ANKRD28: variants seen among roughly 807,000 people sequenced by gnomAD.
ANKRD28 encodes serine/threonine-protein phosphatase 6 regulatory ankyrin repeat subunit A.
A neutral mutation model predicts 126.5 loss-of-function variants in ANKRD28; 44 were observed. The observed-to-expected ratio is 0.35, with a 90% CI of 0.27 to 0.45. ANKRD28 has a LOEUF of 0.45. ANKRD28 is among the 20% of genes least tolerant of loss of function. The probability of loss-of-function intolerance (pLI) is 1.00; values close to 1 mark genes in which losing one functional copy is unlikely to be tolerated. For synonymous variants in ANKRD28, 442 were observed against 468.5 expected (o/e 0.94, Z 0.73); for missense variants, 1,110 against 1,316.6 (o/e 0.84, Z 2.43).
intron 10 of ANKRD28, 38 bp downstream of exon 10, chr3:15,713,489 T>C: frequency 1.1e-5 from 16 of 1,515,962 alleles, no homozygotes; most frequent in Non-Finnish European, 1.4e-5. Context: ...CCTTTGTGCT[T>C]GCCTGTATCA....
At chr3:15,711,184 AAAG>A (rs766994470) in intron 12 of ANKRD28, 24 bp downstream of exon 12, 1 of 1,581,310 alleles carries the variant, frequency 6.3e-7, no homozygotes, top group Non-Finnish European at 8.6e-7. Flanking sequence ...ATCTTTTCTT[AAAG>A]AAATAAAAAT....
rs1035339237 is a variant in ANKRD28 at position 15,846,540 on chromosome 3, A to G, written c.27+12837T>C. Reference sequence around the variant, plus strand: ...TTACCTACCATATAAACGAGTTAAAAAATACAAACAGTATAAACCAAGGGC... The same window carrying G: ...TTACCTACCATATAAACGAGTTAAAGAATACAAACAGTATAAACCAAGGGC... On this transcript the variant is annotated intron_variant, in intron 1 of 27. Transcript: ENST00000399451. This position sits in a 1 kb window ranked among gnomAD's most constrained non-coding sequence, Gnocchi z 5.4. Among the ~76,000 whole-genome samples, 2 of 152,246 alleles carry G rather than the reference A, an allele frequency of 1.3e-5. No individual in the cohort carries two copies. The highest frequency in any genetic ancestry group is 4.8e-5 in the African/African-American group (2 of 41,462).
At chr3:15,715,135 A>C (rs1322490881) in intron 8 of ANKRD28, among the ~76,000 whole-genome samples, 1 of 152,206 alleles carries the variant, frequency 6.6e-6, no homozygotes, top group Non-Finnish European at 1.5e-5. Context: ...AATAAATCAG[A>C]CTGGCTGCAC....
Position 15,850,190 on chromosome 3 carries a change from T to TTAAAAA in ANKRD28, c.27+9186_27+9187insTTTTTA, listed in dbSNP as rs1393900361. ...GGGACAACTGGGTATCTACATGCAA[T>TTAAAAA]AAAAAAAAAAAAAAATATATATATA... On this transcript the variant is annotated intron_variant, in intron 1 of 27. Coordinates refer to the ANKRD28 transcript ENST00000399451. 1.8e-3 allele frequency among the ~76,000 whole-genome samples: 57 copies of TTAAAAA among 31,942 alleles called. 1 individual carries two copies. Among genetic ancestry groups the TTAAAAA allele is most frequent in the African/African-American group, 5.0e-3 (55 of 11,098 alleles). The allele number at this position is 31,942 out of a possible 152,430, so 21.0% of individuals were successfully genotyped here.
chr3:15,752,596 G>C (rs1191636981), intron 3 of ANKRD28, among the ~76,000 whole-genome samples: 1 of 152,134 alleles, frequency 6.6e-6, no homozygotes, highest in Non-Finnish European at 1.5e-5. Flanking sequence ...ATATATCTAA[G>C]TAGAGAAGAA....
intron 21 of ANKRD28, chr3:15,684,988 A>G: frequency 4.0e-6 from 2 of 506,050 alleles, no homozygotes. Context: ...GAAAAGAAAA[A>G]CCTCAAAAAT....
rs1376780564 is a variant in ANKRD28, at chr3:15,839,087, G to T, written c.27+20290C>A. The stretch of plus-strand genomic sequence containing the variant: ...AAAATAAAACCATTATTCAATGGTG[G>T]CCTGGGGCTGGAGGTGGGACTAGGA... On this transcript the variant is annotated intron_variant, in intron 1 of 27. Transcript: ENST00000399451. This position sits in a 1 kb window ranked among gnomAD's most constrained non-coding sequence, Gnocchi z 4.3. Among the ~76,000 whole-genome samples, 2 of 152,124 alleles carry T rather than the reference G, an allele frequency of 1.3e-5. No individual in the cohort carries two copies. Among genetic ancestry groups the T allele is most frequent in the African/African-American group, 4.8e-5 (2 of 41,422 alleles).
At chr3:15,715,318 T>C (rs1169553410) in intron 8 of ANKRD28, among the ~76,000 whole-genome samples, 1 of 152,208 alleles carries the variant, frequency 6.6e-6, no homozygotes, top group Non-Finnish European at 1.5e-5. Context: ...CTTAGCAGCT[T>C]CCTAATCTCA....
At chr3:15,674,332 A>T (rs1203376426) in intron 27 of ANKRD28, among the ~76,000 whole-genome samples, 1 of 152,172 alleles carries the variant, frequency 6.6e-6, no homozygotes, top group African/African-American at 2.4e-5. Context: ...GTATATGCTG[A>T]TGGACTATAC....
chr3:15,776,564 T>C (rs1305151418), intron 2 of ANKRD28, among the ~76,000 whole-genome samples: 1 of 151,932 alleles, frequency 6.6e-6, no homozygotes, highest in South Asian at 2.1e-4. Context: ...GGCAAAATTA[T>C]AAAGAAAACC....
intron 8 of ANKRD28, among the ~76,000 whole-genome samples, chr3:15,720,613 C>A (rs2455841): frequency 0.72 from 109,637 of 151,942 alleles, 39,750 homozygotes; most frequent in East Asian, 0.93. Context: ...CATCACATAA[C>A]GTCCCTTCAT....
chr3:15,828,342 C>CT (rs1389822321), intron 1 of ANKRD28, among the ~76,000 whole-genome samples: 2 of 152,044 alleles, frequency 1.3e-5, no homozygotes, highest in African/African-American at 4.8e-5. Flanking sequence ...TGGCTCATGC[C>CT]TGTAATCACA....
intron 3 of ANKRD28, among the ~76,000 whole-genome samples, chr3:15,761,189 G>C (rs559840628): frequency 6.6e-6 from 1 of 152,146 alleles, no homozygotes; most frequent in African/African-American, 2.4e-5. Context: ...AATCTTACAC[G>C]ACTTTTATAC....
At chr3:15,848,866 G>C (rs1008310218) in intron 1 of ANKRD28, among the ~76,000 whole-genome samples, 3 of 151,908 alleles carry the variant, frequency 2.0e-5, no homozygotes, top group African/African-American at 7.3e-5. Context: ...TTCTAGTCTG[G>C]GCAAGTAAGC....
In ANKRD28 at chr3:15,797,729, ATAGTTTCCTTCC is replaced by A. The variant is rs2060341717; in HGVS notation, c.-1220_-1209del. ...TTCAGTCATCTGCCTCTTTGCCAAT[ATAGTTTCCTTCC>A]ACTGTGAAAACCGCCACAGTTATCC... On this transcript the variant is annotated 5_prime_UTR_variant, in exon 1 of 28. Transcript: ENST00000683139. 1 of 985,278 alleles carries A rather than the reference ATAGTTTCCTTCC, an allele frequency of 1.0e-6. No homozygotes were observed. The highest frequency in any genetic ancestry group is 6.2e-5 in the Admixed American group (1 of 16,258). 61.0% of individuals were successfully genotyped at this position (985,278 alleles called of 1,614,324 possible).
chr3:15,735,296 A>G, intron 6 of ANKRD28, 114 bp downstream of exon 6: 1 of 823,606 alleles, frequency 1.2e-6, no homozygotes, highest in East Asian at 2.9e-5. Flanking sequence ...AAACTCAGAT[A>G]CTGTGTAGCT....
intron 21 of ANKRD28, among the ~76,000 whole-genome samples, chr3:15,680,417 G>T (rs987190059): frequency 2.6e-5 from 4 of 152,002 alleles, no homozygotes; most frequent in African/African-American, 9.7e-5. Flanking sequence ...ATGTTGGTCA[G>T]GCTGATCTCA....
Position 15,846,251 on chromosome 3 carries a change from T to G in ANKRD28, c.27+13126A>C, listed in dbSNP as rs1022272510. Reference sequence around the variant, plus strand: ...GGAGGTACAGGCATTGGGTAAACGTTCCTGTTCCAATGGGAGACACTGGCC... The same window carrying G: ...GGAGGTACAGGCATTGGGTAAACGTGCCTGTTCCAATGGGAGACACTGGCC... On this transcript the variant is annotated intron_variant, in intron 1 of 27. Transcript: ENST00000399451. The surrounding 1 kb of genome is among the most constrained non-coding windows in gnomAD (Gnocchi z 5.4). Among the ~76,000 whole-genome samples the G allele has an allele frequency of 1.3e-5, 2 of 152,204 alleles. No individual in the cohort carries two copies. The highest frequency in any genetic ancestry group is 2.9e-5 in the Non-Finnish European group (2 of 68,044).
At chr3:15,702,636 ATGAAC>A (rs2070779734) in intron 14 of ANKRD28, among the ~76,000 whole-genome samples, 1 of 152,194 alleles carries the variant, frequency 6.6e-6, no homozygotes, top group South Asian at 2.1e-4. Context: ...CCTACCACTC[ATGAAC>A]CCTACTATTT....
Sources: allele counts gnomAD v4.1 joint callset (sites outside exome capture counted in the v4.1 genomes callset), GRCh38; gene constraint gnomAD v4.1.1; non-coding constraint Gnocchi (gnomAD v3.1); transcripts MANE v1.5; gene names NCBI Gene and HGNC (gene_info 2026-07-23, HGNC 2026-07-21).